The following PRMT8 variants were observed in gnomAD, a reference collection of about 807,000 sequenced individuals.
PRMT8 encodes the protein protein arginine methyltransferase 8, also known as protein arginine N-methyltransferase 8.
In PRMT8, 7 loss-of-function variants were observed where a neutral mutation model predicts 47.1. The observed-to-expected ratio is 0.15, with a 90% confidence interval of 0.08 to 0.28. The LOEUF is 0.28. PRMT8 is among the 10% of genes least tolerant of loss of function. The pLI is 1.00. For synonymous variants in PRMT8, 188 were observed against 186.5 expected, an observed-to-expected ratio of 1.01 and a Z score of -0.07; for missense variants, 237 against 505.4, an observed-to-expected ratio of 0.47 and a Z score of 5.09.
chr12:3,550,475 C>T lies in PRMT8; in HGVS notation c.417+384C>T. On this transcript the variant is annotated intron_variant, in intron 3 of 9. Transcript: ENST00000382622. The surrounding 1 kb of genome is among the most constrained non-coding windows in gnomAD (Gnocchi z 5.1). ...GCATGTGACCTTGGACTATTCACTT[C>T]CCTGCACCTCACTTTTTCTCCATCT... 4.9e-6 allele frequency: 1 copy of T among 202,368 alleles called. No individual in the cohort carries two copies. Among genetic ancestry groups the T allele is most frequent in the Admixed American group, 5.1e-5 (1 of 19,522 alleles). The allele number at this position is 202,368 out of a possible 1,614,324, so 12.5% of individuals were successfully genotyped here.
intron 1 of PRMT8, among the ~76,000 whole-genome samples, chr12:3,484,350 C>T (rs1323772114): frequency 6.6e-6 from 1 of 152,188 alleles, no homozygotes; most frequent in South Asian, 2.1e-4. Context: ...AGGAAACAGG[C>T]CCAGAAAAGT....
chr12:3,516,357 T>C (rs1197333099), intron 1 of PRMT8, among the ~76,000 whole-genome samples: 2 of 152,254 alleles, frequency 1.3e-5, no homozygotes, highest in Non-Finnish European at 2.9e-5. Context: ...GTTCATTTAC[T>C]CATGCATTGC....
In PRMT8 at chr12:3,456,226, A is replaced by G. The variant is rs778065907; in HGVS notation, c.48+74784A>G. On this transcript the variant is annotated intron_variant, in intron 1 of 9. Transcript: ENST00000452611. The surrounding 1 kb of genome is among the most constrained non-coding windows in gnomAD (Gnocchi z 4.2). Reference sequence around the variant, plus strand: ...ACACCAAGCGCCACCTTTGAGCGGGAAATGGCAGCCTCCCCTTGCCTGCAG... The same window carrying G: ...ACACCAAGCGCCACCTTTGAGCGGGGAATGGCAGCCTCCCCTTGCCTGCAG... Among the ~76,000 whole-genome samples the G allele has an allele frequency of 1.3e-4, 20 of 152,214 alleles. No individual in the cohort carries two copies. The highest frequency in any genetic ancestry group is 2.4e-4 in the Non-Finnish European group (16 of 68,036).
intron 1 of PRMT8, among the ~76,000 whole-genome samples, chr12:3,386,417 C>T (rs1183974531): frequency 6.6e-6 from 1 of 152,232 alleles, no homozygotes; most frequent in Non-Finnish European, 1.5e-5. Context: ...TCTTACTTTT[C>T]ATGCCAGATT....
intron 4 of PRMT8, among the ~76,000 whole-genome samples, chr12:3,567,725 A>C (rs1341213092): frequency 6.6e-6 from 1 of 152,212 alleles, no homozygotes; most frequent in African/African-American, 2.4e-5. Context: ...CTCCCACAAA[A>C]GTAAGCTACT....
intron 1 of PRMT8, among the ~76,000 whole-genome samples, chr12:3,418,344 GT>G (rs910986847): frequency 6.6e-6 from 1 of 152,184 alleles, no homozygotes; most frequent in Non-Finnish European, 1.5e-5. Flanking sequence ...TTTAGAGGCG[GT>G]TTTTTTGCTG....
chr12:3,561,361 A>G (rs1057070530), intron 4 of PRMT8, among the ~76,000 whole-genome samples: 3 of 152,190 alleles, frequency 2.0e-5, no homozygotes, highest in Non-Finnish European at 4.4e-5. Flanking sequence ...GTCTATTCAC[A>G]TACTGCTGCC....
intron 1 of PRMT8, among the ~76,000 whole-genome samples, chr12:3,466,238 G>A (rs997608075): frequency 3.3e-5 from 5 of 152,192 alleles, no homozygotes; most frequent in African/African-American, 4.8e-5. Flanking sequence ...AGGTGAGACC[G>A]GATGGTGCTG....
upstream of PRMT8, among the ~76,000 whole-genome samples, chr12:3,490,153 G>A (rs1486148811): frequency 2.0e-5 from 3 of 152,148 alleles, no homozygotes; most frequent in Non-Finnish European, 4.4e-5. Flanking sequence ...ACAGCCGGGT[G>A]CTCAGGGAGC....
intron 1 of PRMT8, among the ~76,000 whole-genome samples, chr12:3,529,074 G>C (rs1412348678): frequency 6.6e-6 from 1 of 152,180 alleles, no homozygotes; most frequent in Admixed American, 6.5e-5. Context: ...TCAGCTGAAG[G>C]CTTGCAGGGA....
chr12:3,408,089 G>C (rs939284478), intron 1 of PRMT8, among the ~76,000 whole-genome samples: 1 of 151,718 alleles, frequency 6.6e-6, no homozygotes, highest in African/African-American at 2.4e-5. Flanking sequence ...ATATCTTGCT[G>C]AGTTTTCTTT....
chr12:3,452,394 A>G (rs1365131475), intron 1 of PRMT8, among the ~76,000 whole-genome samples: 6 of 152,100 alleles, frequency 3.9e-5, no homozygotes, highest in Admixed American at 3.9e-4. Flanking sequence ...GAGCACAGGA[A>G]ACTTTAGAAG....
chr12:3,583,328 C>T lies in PRMT8; in HGVS notation c.979+120C>T. On this transcript the variant is annotated intron_variant, in intron 8 of 9. Transcript: ENST00000382622. This position sits in a 1 kb window ranked among gnomAD's most constrained non-coding sequence, Gnocchi z 4.7. ...GGGGCTGGGTGTTAGCTGGGTGACA[C>T]CTATCAACCCTCTCCAGCCATGGAG... 9.2e-7 allele frequency: 1 copy of T among 1,090,666 alleles called. No homozygotes were observed. Among genetic ancestry groups the T allele is most frequent in the Non-Finnish European group, 1.3e-6 (1 of 773,536 alleles). 67.6% of individuals were successfully genotyped at this position (1,090,666 alleles called of 1,614,324 possible).
rs189272571 is a variant in PRMT8, at chr12:3,514,546, C to T, written c.75+22846C>T. 7.9e-5 allele frequency among the ~76,000 whole-genome samples: 12 copies of T among 152,314 alleles called. No homozygotes were observed. Among genetic ancestry groups the T allele is most frequent in the Admixed American group, 2.0e-4 (3 of 15,304 alleles). ...CCAAGTGGAATGTAAATACATAACA[C>T]GTGGAGCCTTTTTTCTGAGTGTGCC... On this transcript the variant is annotated intron_variant, in intron 1 of 9. Coordinates refer to ENST00000382622, the MANE Select transcript of PRMT8 (RefSeq NM_019854.5). The surrounding 1 kb of genome is among the most constrained non-coding windows in gnomAD (Gnocchi z 5.9).
At chr12:3,587,055 G>A (rs1288106253) in intron 8 of PRMT8, among the ~76,000 whole-genome samples, 8 of 152,112 alleles carry the variant, frequency 5.3e-5, no homozygotes, top group African/African-American at 1.9e-4. Flanking sequence ...AACTGACCGA[G>A]TAACCCTTTC....
rs140632792 is a variant in PRMT8 at position 3,434,683 on chromosome 12, C to T, written c.48+53241C>T. Among the ~76,000 whole-genome samples the T allele has an allele frequency of 4.0e-3, 600 of 151,486 alleles. 6 individuals carry two copies. Among genetic ancestry groups the T allele is most frequent in the African/African-American group, 0.014 (571 of 41,348 alleles). ...ACACTGGTGCCAAGGGCAGGTGTTC[C>T]GTGTGTGTTGGGGGTTGGTGGGTGT... On this transcript the variant is annotated intron_variant, in intron 1 of 9. Coordinates refer to the PRMT8 transcript ENST00000452611.
At position 3,557,672 on chromosome 12, in the gene PRMT8, C is replaced by A. The variant is rs1866550713; in HGVS notation, c.481+3958C>A. 6.6e-6 allele frequency among the ~76,000 whole-genome samples: 1 copy of A among 152,198 alleles called. No homozygotes were observed. The highest frequency in any genetic ancestry group is 2.1e-4 in the South Asian group (1 of 4,830). On this transcript the variant is annotated intron_variant, in intron 4 of 9. Transcript: ENST00000382622. The surrounding 1 kb of genome is among the most constrained non-coding windows in gnomAD (Gnocchi z 4.7). ...CACAGCCTGGCCTCCTTCTCCCCAA[C>A]CTGTGAAATAGGGCAGATGGTTTTC...
At chr12:3,387,925 C>G (rs1212378884) in intron 1 of PRMT8, among the ~76,000 whole-genome samples, 1 of 152,128 alleles carries the variant, frequency 6.6e-6, no homozygotes, top group Non-Finnish European at 1.5e-5. Context: ...AACTAAGATA[C>G]AATAACCACA....
At chr12:3,426,014 T>C (rs1864600291) in intron 1 of PRMT8, among the ~76,000 whole-genome samples, 1 of 152,240 alleles carries the variant, frequency 6.6e-6, no homozygotes, top group Non-Finnish European at 1.5e-5. Context: ...AGACGGAAGC[T>C]GGATGGCCCT....
Sources: allele counts gnomAD v4.1 joint callset (sites outside exome capture counted in the v4.1 genomes callset), GRCh38; gene constraint gnomAD v4.1.1; non-coding constraint Gnocchi (gnomAD v3.1); transcripts MANE v1.5; gene names NCBI Gene and HGNC (gene_info 2026-07-23, HGNC 2026-07-21).